Variants in NLRP5 observed in about 807,000 individuals in gnomAD.
NLRP5 encodes NACHT, LRR and PYD domains-containing protein 5.
In NLRP5, 93 loss-of-function variants were observed where a neutral mutation model predicts 113.1. The observed-to-expected ratio is 0.82, with a 90% confidence interval of 0.70 to 0.98. The LOEUF is 0.98. NLRP5 is among the 50% of genes least tolerant of loss of function. The pLI, the probability that NLRP5 is intolerant of heterozygous loss-of-function variation, is 0.00. For synonymous variants in NLRP5, 751 were observed against 600.7 expected, an observed-to-expected ratio of 1.25 and a Z score of -3.66; for missense variants, 1,808 against 1,514.3, an observed-to-expected ratio of 1.19 and a Z score of -3.22.
intron 14 of NLRP5, among the ~76,000 whole-genome samples, chr19:56,060,062 G>T (rs1568506642): frequency 6.6e-6 from 1 of 152,186 alleles, no homozygotes; most frequent in Non-Finnish European, 1.5e-5. Flanking sequence ...TCTTGGTTTG[G>T]TCAGGACTGT....
At chr19:56,004,210 G>A in intron 2 of NLRP5, 115 bp downstream of exon 2, 1 of 1,121,320 alleles carries the variant, frequency 8.9e-7, no homozygotes, top group Non-Finnish European at 1.3e-6. Flanking sequence ...GTGTGAGTCT[G>A]AGCTGTGAGA....
chr19:56,056,543 C>T (rs186238500), intron 13 of NLRP5, among the ~76,000 whole-genome samples: 22 of 151,972 alleles, frequency 1.4e-4, no homozygotes, highest in African/African-American at 2.9e-4. Context: ...GGCAACAGAG[C>T]GAGACTCTAT....
upstream of NLRP5, among the ~76,000 whole-genome samples, chr19:55,997,933 A>G (rs1314714388): frequency 6.6e-6 from 1 of 152,156 alleles, no homozygotes; most frequent in African/African-American, 2.4e-5. Context: ...CTATTTATAC[A>G]TCCATTGAAG....
At chr19:56,043,468 A>T (rs1176369440) in intron 11 of NLRP5, among the ~76,000 whole-genome samples, 1 of 139,410 alleles carries the variant, frequency 7.2e-6, no homozygotes, top group Non-Finnish European at 1.5e-5. Flanking sequence ...GATTTGTTTG[A>T]GTTCGTTGTA....
At chr19:55,994,423 G>C in the NLRP5 span, among the ~76,000 whole-genome samples, 1 of 152,092 alleles carries the variant, frequency 6.6e-6, no homozygotes, top group Non-Finnish European at 1.5e-5. Flanking sequence ...AGGGGGGACA[G>C]AGTCTTGTTC....
intron 1 of NLRP5, among the ~76,000 whole-genome samples, chr19:56,001,338 A>AAAG (rs1981642580): frequency 1.3e-5 from 2 of 149,026 alleles, no homozygotes; most frequent in Admixed American, 1.3e-4. Flanking sequence ...AAAAAAAACA[A>AAAG]ACAAAAAACA....
chr19:56,004,217 G>T (rs1000705626), intron 2 of NLRP5, 122 bp downstream of exon 2: 3 of 1,053,416 alleles, frequency 2.8e-6, no homozygotes, highest in African/African-American at 1.6e-5. Flanking sequence ...TCTGAGCTGT[G>T]AGAAGGATCC....
At chr19:56,032,867 C>A (rs910185981) in intron 8 of NLRP5, 86 bp downstream of exon 8, 28 of 1,339,108 alleles carry the variant, frequency 2.1e-5, no homozygotes, top group East Asian at 2.3e-5. Context: ...CCATCTGAAG[C>A]CTTTCAAGTG....
At chr19:56,046,524 G>A (rs983807954) in intron 11 of NLRP5, among the ~76,000 whole-genome samples, 8 of 150,636 alleles carry the variant, frequency 5.3e-5, no homozygotes, top group African/African-American at 2.0e-4. Context: ...GAATAGTGTC[G>A]AAAGGATTGG....
intron 6 of NLRP5, among the ~76,000 whole-genome samples, chr19:56,020,949 G>T (rs867352124): frequency 1.7e-4 from 25 of 150,600 alleles, no homozygotes; most frequent in African/African-American, 5.9e-4. Context: ...TCTCGGCTCA[G>T]TGCAACCTCT....
chr19:56,047,773 T>A (rs1458503678), intron 11 of NLRP5, among the ~76,000 whole-genome samples: 1 of 152,150 alleles, frequency 6.6e-6, no homozygotes, highest in Non-Finnish European at 1.5e-5. Flanking sequence ...AATCCATTGT[T>A]TCTTTGACTT....
Position 56,005,413 on chromosome 19 carries a change from ATT to A in NLRP5, c.442+1322_442+1323del, listed in dbSNP as rs990237639. 1.7e-3 allele frequency among the ~76,000 whole-genome samples: 257 copies of A among 148,754 alleles called. 1 individual carries two copies. The highest frequency in any genetic ancestry group is 6.2e-3 in the African/African-American group (251 of 40,614). On this transcript the variant is annotated intron_variant, in intron 2 of 14. Coordinates refer to ENST00000390649, the MANE Select transcript of NLRP5 (RefSeq NM_153447.4). ...CATATACACACACATATACACATAT[ATT>A]TTTATATATACACATATTTATATAT...
chr19:56,010,309 T>A (rs890339290), intron 3 of NLRP5, among the ~76,000 whole-genome samples: 1 of 152,190 alleles, frequency 6.6e-6, no homozygotes, highest in Non-Finnish European at 1.5e-5. Flanking sequence ...AAGGTGGGCT[T>A]GTGCCAGAAA....
At chr19:56,057,818 G>T (rs964196303) in intron 13 of NLRP5, among the ~76,000 whole-genome samples, 1 of 152,092 alleles carries the variant, frequency 6.6e-6, no homozygotes, top group East Asian at 1.9e-4. Flanking sequence ...GTGAGGTCAG[G>T]AGTTCAAGAC....
chr19:56,033,399 A>G (rs372340679), intron 8 of NLRP5, 143 bp from the exon 9 acceptor site: 99 of 670,438 alleles, frequency 1.5e-4, no homozygotes, highest in South Asian at 1.3e-3. Flanking sequence ...GGCCCATCAC[A>G]GGCACTCAGG....
intron 2 of NLRP5, 118 bp downstream of exon 2, chr19:56,004,213 C>A: frequency 9.2e-7 from 1 of 1,084,130 alleles, no homozygotes; most frequent in African/African-American, 1.6e-5. Context: ...TGAGTCTGAG[C>A]TGTGAGAAGG....
rs536201708 is a variant in NLRP5, at chr19:56,006,697, A to T, written c.443-2091A>T. 2.0e-5 allele frequency among the ~76,000 whole-genome samples: 3 copies of T among 151,882 alleles called. No homozygotes were observed. The South Asian group carries it at 6.2e-4, about 32-fold the overall frequency. Reference sequence around the variant, plus strand: ...CAGTGAGTCAAGATCGCGCCACTGCACTCCAGCCTGGGTGACAGAGCGAGA... The same window carrying T: ...CAGTGAGTCAAGATCGCGCCACTGCTCTCCAGCCTGGGTGACAGAGCGAGA... On this transcript the variant is annotated intron_variant, in intron 2 of 14. Transcript: ENST00000390649.
chr19:55,995,865 C>G (rs559702490), upstream of NLRP5, among the ~76,000 whole-genome samples: 6 of 151,854 alleles, frequency 4.0e-5, no homozygotes, highest in East Asian at 1.2e-3. Flanking sequence ...TCTTTTTCAG[C>G]TAGTTCATTA....
At chr19:56,055,304 C>T (rs893484133) in intron 13 of NLRP5, among the ~76,000 whole-genome samples, 2 of 151,072 alleles carry the variant, frequency 1.3e-5, no homozygotes, top group African/African-American at 4.9e-5. Flanking sequence ...GACCCTTTTC[C>T]TTCTTGAAGT....
Sources: gnomAD v4.1 joint callset for allele counts (sites outside exome capture counted in the v4.1 genomes callset) on GRCh38, gnomAD v4.1.1 for gene constraint, MANE v1.5 for transcripts, NCBI Gene and HGNC (gene_info 2026-07-23, HGNC 2026-07-21) for gene names.